Variants in RTTN observed in about 807,000 individuals in gnomAD.
RTTN encodes rotatin.
RTTN carries 182 observed loss-of-function variants against 269.2 expected under a neutral mutation model. That is an observed-to-expected ratio of 0.68 (90% CI 0.60 to 0.76). The LOEUF (loss-of-function observed/expected upper bound fraction) is 0.76, where lower values mean the gene tolerates loss of function less well. Ranked by LOEUF, RTTN falls within the 30% of genes least tolerant of loss-of-function variation. RTTN has a pLI of 0.00. For missense variants in RTTN, 2,545 were observed against 2,608.6 expected, an observed-to-expected ratio of 0.98 and a Z score of 0.53; for synonymous variants, 1,006 against 963.5, an observed-to-expected ratio of 1.04 and a Z score of -0.82.
At chr18:70,068,718 G>A (rs529064615) in intron 34 of RTTN, among the ~76,000 whole-genome samples, 2 of 152,280 alleles carry the variant, frequency 1.3e-5, no homozygotes, top group South Asian at 2.1e-4. Flanking sequence ...TTACAACAGC[G>A]AGAGTCTAAT....
At chr18:70,118,894 A>T (rs1465210497) in intron 26 of RTTN, among the ~76,000 whole-genome samples, 2 of 152,110 alleles carry the variant, frequency 1.3e-5, no homozygotes, top group African/African-American at 4.8e-5. Flanking sequence ...ATCCTTTCAT[A>T]ATAAAAACTC....
rs531934088 is a variant in RTTN, at chr18:70,079,720, C to A, written c.4375-4179G>T. ...AAAGCTCTTCAAATCACCAGAATGC[C>A]ATTACAAATACATTTACAAAGAAAA... is the stretch of plus-strand genomic sequence containing the variant. On this transcript the variant is annotated intron_variant, in intron 32 of 48. Coordinates refer to ENST00000640769, the MANE Select transcript of RTTN (RefSeq NM_173630.4). Among the ~76,000 whole-genome samples, 40 of 152,202 alleles carry A rather than the reference C, an allele frequency of 2.6e-4. 2 individuals carry two copies. In the South Asian group the frequency reaches 8.3e-3, roughly 32 times the overall value.
At chr18:70,033,889 C>A (rs1269294278) in intron 40 of RTTN, among the ~76,000 whole-genome samples, 1 of 112,642 alleles carries the variant, frequency 8.9e-6, no homozygotes, top group African/African-American at 2.7e-5. Context: ...GGGGATATTA[C>A]CACTGACCCC....
chr18:70,139,649 A>T lies in RTTN; in HGVS notation c.2738T>A (p.Met913Lys), dbSNP rs1064796431. 1.9e-6 allele frequency: 3 copies of T among 1,613,634 alleles called. No homozygotes were observed. Among genetic ancestry groups the T allele is most frequent in the Middle Eastern group, 1.7e-4 (1 of 6,058 alleles). The part of the protein sequence containing the change: ...LRKVLCGDPV[M>K]RVSLSQQSSL... ...AGACTGTTGCGAGAGCGAAACACGC[A>T]TGACTGGATCACCACATAAAACCTT... is the stretch of plus-strand genomic sequence containing the variant. Residue 913 changes from methionine to lysine, a missense_variant, in exon 21 of 49, where the codon ATG becomes AAG. Transcript: ENST00000640769.
At chr18:70,106,793 G>GA (rs1054189264) in intron 28 of RTTN, among the ~76,000 whole-genome samples, 87 of 149,620 alleles carry the variant, frequency 5.8e-4, no homozygotes, top group Admixed American at 6.7e-4. Flanking sequence ...CCCACAGCAT[G>GA]AAAAAAAAAC....
intron 14 of RTTN, 136 bp from the exon 15 acceptor site, chr18:70,150,869 A>T: frequency 1.9e-6 from 1 of 523,708 alleles, no homozygotes; most frequent in South Asian, 2.6e-5. Context: ...AGACAGAATG[A>T]AAAAGATTCT....
intron 28 of RTTN, among the ~76,000 whole-genome samples, chr18:70,094,589 C>T (rs778815100): frequency 1.2e-4 from 19 of 152,024 alleles, no homozygotes; most frequent in Middle Eastern, 3.2e-3. Flanking sequence ...TGTAGTTGTG[C>T]GGTTTGTAGT....
intron 10 of RTTN, among the ~76,000 whole-genome samples, chr18:70,177,230 G>A (rs925911305): frequency 1.3e-5 from 2 of 152,050 alleles, no homozygotes; most frequent in Admixed American, 6.5e-5. Flanking sequence ...CTTACTATAC[G>A]CCTAACACAG....
chr18:70,129,263 A>G (rs529856417), intron 23 of RTTN: 1 of 152,164 alleles, frequency 6.6e-6, no homozygotes, highest in East Asian at 1.9e-4. Flanking sequence ...TAAAAGGAAC[A>G]AAAAGAAATT....
intron 10 of RTTN, among the ~76,000 whole-genome samples, chr18:70,178,698 A>G (rs1203161015): frequency 6.6e-6 from 1 of 152,088 alleles, no homozygotes; most frequent in Non-Finnish European, 1.5e-5. Context: ...ATAAGTAAAA[A>G]AAGAAAATAA....
intron 32 of RTTN, among the ~76,000 whole-genome samples, chr18:70,084,033 T>C (rs2058638770): frequency 6.6e-6 from 1 of 152,066 alleles, no homozygotes; most frequent in Admixed American, 6.6e-5. Flanking sequence ...ATATTATTAC[T>C]ATTCACAAGT....
intron 44 of RTTN, among the ~76,000 whole-genome samples, chr18:70,024,386 GAGA>G (rs1017318318): frequency 2.6e-5 from 4 of 152,124 alleles, no homozygotes; most frequent in African/African-American, 9.7e-5. Context: ...TAGAATCTAT[GAGA>G]AGTTCTAACC....
Position 70,075,406 on chromosome 18 carries a change from A to T in RTTN, c.4510T>A (p.Phe1504Ile). ...VKHCYLGRCMFDLNFSAFDRN... is the reference protein window; with the variant it reads ...VKHCYLGRCMIDLNFSAFDRN... Reference sequence around the variant, plus strand: ...TCAAAAGCAGAAAAATTCAAATCAAACATACACCGTCCTAGGTAACAATGC... The same window carrying T: ...TCAAAAGCAGAAAAATTCAAATCAATCATACACCGTCCTAGGTAACAATGC... Residue 1504 changes from phenylalanine (F) to isoleucine (I), a missense_variant, in exon 33 of 49, where the codon TTT (phenylalanine) becomes ATT (isoleucine). By Grantham distance (21) the Phe-to-Ile change is conservative. Coordinates refer to ENST00000640769, the MANE Select transcript of RTTN (RefSeq NM_173630.4). 6.2e-7 allele frequency: 1 copy of T among 1,602,852 alleles called. No homozygotes were observed. The highest frequency in any genetic ancestry group is 8.5e-7 in the Non-Finnish European group (1 of 1,175,842).
At chr18:70,163,073 A>T (rs1459961384) in intron 14 of RTTN, among the ~76,000 whole-genome samples, 2 of 127,726 alleles carry the variant, frequency 1.6e-5, no homozygotes, top group East Asian at 2.0e-4. Flanking sequence ...TATTATTAAA[A>T]AAAAAAAAAA....
At position 70,092,667 on chromosome 18, in the gene RTTN, C is replaced by T. The variant is rs202193505; in HGVS notation, c.4032+9G>A. 1.3e-4 allele frequency: 204 copies of T among 1,611,044 alleles called. No individual in the cohort carries two copies. Among genetic ancestry groups the T allele is most frequent in the Admixed American group, 1.0e-4 (6 of 59,938 alleles). The stretch of plus-strand genomic sequence containing the variant: ...ATGTTCAGAAGATAGACAGCTTTAA[C>T]GCGCTCACCAAGCTCCCAGCCTGGG... On this transcript the variant is annotated intron_variant, in intron 29 of 48. Transcript: ENST00000640769.
chr18:70,150,768 G>T, intron 14 of RTTN, 35 bp from the exon 15 acceptor site: 1 of 1,480,232 alleles, frequency 6.8e-7, no homozygotes, highest in Non-Finnish European at 9.2e-7. Context: ...TTTTAAATTA[G>T]CAACACTGAT....
At chr18:70,092,021 G>T in intron 30 of RTTN, 89 bp downstream of exon 30, 1 of 704,600 alleles carries the variant, frequency 1.4e-6, no homozygotes, top group East Asian at 3.1e-5. Context: ...CCAACAAGCT[G>T]GGATTACAGG....
At chr18:70,122,449 A>T (rs181272514) in intron 25 of RTTN, among the ~76,000 whole-genome samples, 150 of 152,246 alleles carry the variant, frequency 9.9e-4, no homozygotes, top group African/African-American at 3.1e-3. Context: ...TAAGAGTGAC[A>T]ATAATACGAA....
At chr18:70,043,491 A>G (rs1453429990) in intron 40 of RTTN, among the ~76,000 whole-genome samples, 1 of 152,192 alleles carries the variant, frequency 6.6e-6, no homozygotes, top group Non-Finnish European at 1.5e-5. Context: ...AATTCAACAG[A>G]TAATATTTAA....
Sources: allele counts gnomAD v4.1 joint callset (sites outside exome capture counted in the v4.1 genomes callset), GRCh38; gene constraint gnomAD v4.1.1; transcripts MANE v1.5; gene names NCBI Gene and HGNC (gene_info 2026-07-23, HGNC 2026-07-21).